The following ESRRB variants were observed in gnomAD, a reference collection of about 807,000 sequenced individuals.
ESRRB encodes steroid hormone receptor ERR2.
Under a neutral mutation model 46.0 loss-of-function variants are expected in ESRRB, and 16 were observed. The observed-to-expected ratio is 0.35, with a 90% CI of 0.24 to 0.53. The LOEUF is 0.53. Ranked by LOEUF, ESRRB falls within the 20% of genes least tolerant of loss-of-function variation. ESRRB has a pLI of 0.93. For missense variants in ESRRB, 488 were observed against 607.4 expected, an observed-to-expected ratio of 0.80 and a Z score of 2.07; for synonymous variants, 246 against 259.6, an observed-to-expected ratio of 0.95 and a Z score of 0.50.
At chr14:76,426,158 C>A (rs1887192442) in intron 1 of ESRRB, among the ~76,000 whole-genome samples, 1 of 152,200 alleles carries the variant, frequency 6.6e-6, no homozygotes, top group Admixed American at 6.5e-5. Context: ...TTCAGGGGCC[C>A]AGGCTCCTGC....
intron 2 of ESRRB, among the ~76,000 whole-genome samples, chr14:76,455,080 G>A (rs1888550389): frequency 6.6e-6 from 1 of 151,436 alleles, no homozygotes; most frequent in Admixed American, 6.6e-5. Flanking sequence ...AGCCAGGTGT[G>A]GTGGCGGGTG....
intron 1 of ESRRB, among the ~76,000 whole-genome samples, chr14:76,428,406 T>C (rs1887292289): frequency 6.6e-6 from 1 of 152,110 alleles, no homozygotes; most frequent in South Asian, 2.1e-4. Context: ...CAATAGCTAC[T>C]GAAAAGAAGG....
At chr14:76,320,965 G>A (rs949977428) in intron 1 of ESRRB, among the ~76,000 whole-genome samples, 29 of 152,040 alleles carry the variant, frequency 1.9e-4, no homozygotes, top group Admixed American at 1.8e-3. Flanking sequence ...TTGGAGACTC[G>A]CTAAATAAAG....
intron 1 of ESRRB, among the ~76,000 whole-genome samples, chr14:76,357,730 G>A (rs983508919): frequency 1.3e-5 from 2 of 152,044 alleles, no homozygotes; most frequent in African/African-American, 2.4e-5. Flanking sequence ...TGCCCAGGTC[G>A]GTCTCAAATG....
rs1345021350 is a variant in ESRRB at position 76,469,929 on chromosome 14, GTTTTTTTTTTTTTTCTTTTTTTT to G, written c.577+7282_577+7304del. Among the ~76,000 whole-genome samples the G allele has an allele frequency of 1.0e-4, 8 of 78,748 alleles. 1 individual carries two copies. In the East Asian group the frequency reaches 1.3e-3, roughly 13 times the overall value. The allele number at this position is 78,748 out of a possible 152,430, so 51.7% of individuals were successfully genotyped here. ...TAAAGACTAGGCTGTGTTTTTTGTTGTTTTTTTTTTTTTTCTTTTTTTTTTTTTTTTTTTTTGAGACAGAGTCT... is the reference window on the plus strand; with the variant it reads ...TAAAGACTAGGCTGTGTTTTTTGTTGTTTTTTTTTTTTTGAGACAGAGTCT... On this transcript the variant is annotated intron_variant, in intron 3 of 6. Coordinates refer to ENST00000644823, the MANE Select transcript of ESRRB (RefSeq NM_001379180.1).
chr14:76,314,738 G>C (rs542622894), intron 1 of ESRRB, among the ~76,000 whole-genome samples: 1 of 149,556 alleles, frequency 6.7e-6, no homozygotes, highest in East Asian at 1.9e-4. Flanking sequence ...GGCCAAGGTC[G>C]AGCAATGTCA....
At chr14:76,411,194 T>G (rs143348953) in intron 1 of ESRRB, among the ~76,000 whole-genome samples, 1,531 of 151,182 alleles carry the variant, frequency 0.01, 10 homozygotes, top group Non-Finnish European at 0.015. Context: ...CTGTAATCAA[T>G]CCCAGCACTA....
intron 1 of ESRRB, among the ~76,000 whole-genome samples, chr14:76,331,737 G>C (rs944913100): frequency 3.3e-5 from 5 of 151,792 alleles, no homozygotes; most frequent in Non-Finnish European, 7.4e-5. Context: ...GCCCAGCCCT[G>C]TTCCAGCTCA....
Position 76,491,469 on chromosome 14 carries a change from G to A in ESRRB, c.873G>A (p.Gly291=), listed in dbSNP as rs1341757381. 1.2e-6 allele frequency: 2 copies of A among 1,608,432 alleles called. No homozygotes were observed. Among genetic ancestry groups the A allele is most frequent in the Non-Finnish European group, 1.7e-6 (2 of 1,177,990 alleles). The change falls in exon 6 of 7, where the codon GGG becomes GGA. Residue 291 remains glycine, a synonymous_variant. Coordinates refer to ENST00000644823, the MANE Select transcript of ESRRB (RefSeq NM_001379180.1). ...CAGGCTTCTCAAGCCTCTCCCTGGG[G>A]GACCAGATGAGCCTGCTGCAGAGTG... The part of the protein sequence containing the change: ...HIPGFSSLSL[G]DQMSLLQSAW...
At chr14:76,479,396 C>T (rs988160188) in intron 3 of ESRRB, among the ~76,000 whole-genome samples, 9 of 152,200 alleles carry the variant, frequency 5.9e-5, no homozygotes, top group African/African-American at 2.2e-4. Context: ...TCCTCAGGAA[C>T]ACATTTGTTA....
chr14:76,369,818 A>G (rs577451197), upstream of ESRRB, among the ~76,000 whole-genome samples: 2 of 152,196 alleles, frequency 1.3e-5, no homozygotes, highest in Non-Finnish European at 2.9e-5. Flanking sequence ...GCACTTAACA[A>G]CAATACAAGT....
chr14:76,318,257 G>A (rs886234344), intron 1 of ESRRB, among the ~76,000 whole-genome samples: 6 of 152,162 alleles, frequency 3.9e-5, no homozygotes, highest in African/African-American at 9.7e-5. Flanking sequence ...AGTTGGAAGC[G>A]AGGAGCACAG....
chr14:76,487,097 T>TGTGTGG (rs1465886605), intron 5 of ESRRB, among the ~76,000 whole-genome samples: 1 of 152,192 alleles, frequency 6.6e-6, no homozygotes, highest in Non-Finnish European at 1.5e-5. Context: ...GTGAGGTGTG[T>TGTGTGG]GTGTGGGTGG....
At chr14:76,396,380 A>T (rs547385730) in intron 1 of ESRRB, among the ~76,000 whole-genome samples, 3 of 150,770 alleles carry the variant, frequency 2.0e-5, no homozygotes, top group East Asian at 1.9e-4. Context: ...AAGAGATATT[A>T]AAAAAAACTG....
intron 1 of ESRRB, among the ~76,000 whole-genome samples, chr14:76,417,333 G>A (rs1056314126): frequency 9.9e-5 from 15 of 152,102 alleles, no homozygotes; most frequent in African/African-American, 3.6e-4. Context: ...TTGGGGAAGA[G>A]CAGGAGACCA....
intron 2 of ESRRB, among the ~76,000 whole-genome samples, chr14:76,458,154 C>T (rs1888688450): frequency 6.6e-6 from 1 of 152,132 alleles, no homozygotes. Flanking sequence ...TGGCCATGTC[C>T]CTGTCCTGAG....
Position 76,487,805 on chromosome 14 carries a change from T to C in ESRRB, c.851-3642T>C, listed in dbSNP as rs1358498521. On this transcript the variant is annotated intron_variant, in intron 5 of 6. Transcript: ENST00000644823. ...TATTTGTAGAGATGGTGTTTTGCCA[T>C]GTTGCCCAGGCTGGCATTACACTCC... is the stretch of plus-strand genomic sequence containing the variant. 2.6e-5 allele frequency among the ~76,000 whole-genome samples: 4 copies of C among 152,166 alleles called. No homozygotes were observed. The East Asian group carries it at 7.7e-4, about 29-fold the overall frequency.
At chr14:76,467,588 T>A (rs1889173804) in intron 3 of ESRRB, among the ~76,000 whole-genome samples, 1 of 152,102 alleles carries the variant, frequency 6.6e-6, no homozygotes, top group Non-Finnish European at 1.5e-5. Context: ...CCCCTTGTGT[T>A]TGGGGAGGCA....
At chr14:76,323,120 G>A (rs139354482) in intron 1 of ESRRB, among the ~76,000 whole-genome samples, 1 of 152,236 alleles carries the variant, frequency 6.6e-6, no homozygotes, top group Non-Finnish European at 1.5e-5. Flanking sequence ...GATTTCCAAT[G>A]TTCAGCACTT....
Sources: gnomAD v4.1 joint callset for allele counts (sites outside exome capture counted in the v4.1 genomes callset) on GRCh38, gnomAD v4.1.1 for gene constraint, MANE v1.5 for transcripts, NCBI Gene and HGNC (gene_info 2026-07-23, HGNC 2026-07-21) for gene names.